CTNNA3: variants seen among roughly 807,000 people sequenced by gnomAD.
The protein encoded by CTNNA3 is catenin alpha-3.
CTNNA3 carries 76 observed loss-of-function variants against 95.7 expected under a neutral mutation model. The ratio of observed to expected loss-of-function variants is 0.79; its 90% CI spans 0.66 to 0.96. The LOEUF is 0.96. Among genes scored for constraint, CTNNA3 ranks in the 40% least tolerant of loss-of-function variants. The probability of loss-of-function intolerance (pLI) is 0.00; values close to 1 mark genes in which losing one functional copy is unlikely to be tolerated. For missense variants in CTNNA3, 1,191 were observed against 1,089.8 expected, an observed-to-expected ratio of 1.09 and a Z score of -1.31; for synonymous variants, 431 against 374.4, an observed-to-expected ratio of 1.15 and a Z score of -1.74.
intron 14 of CTNNA3, among the ~76,000 whole-genome samples, chr10:66,090,108 CT>C (rs1279395789): frequency 9.9e-5 from 15 of 151,992 alleles, no homozygotes; most frequent in Admixed American, 8.5e-4. Context: ...CACAGCACTT[CT>C]TTTCTTCTGA....
intron 12 of CTNNA3, among the ~76,000 whole-genome samples, chr10:66,298,538 C>T (rs1005280783): frequency 1.3e-5 from 2 of 152,076 alleles, no homozygotes; most frequent in Non-Finnish European, 2.9e-5. Flanking sequence ...TTATATCTTA[C>T]ATTTCTCTTC....
At chr10:66,135,150 A>G (rs2083288674) in intron 13 of CTNNA3, among the ~76,000 whole-genome samples, 1 of 152,218 alleles carries the variant, frequency 6.6e-6, no homozygotes, top group South Asian at 2.1e-4. Flanking sequence ...TTTCTTAGCT[A>G]GTAACAGTAA....
At chr10:67,514,761 T>C (rs1383656409) in intron 5 of CTNNA3, among the ~76,000 whole-genome samples, 1 of 151,714 alleles carries the variant, frequency 6.6e-6, no homozygotes, top group Non-Finnish European at 1.5e-5. Context: ...CTATCAGCAT[T>C]GTAAATTTTG....
rs569014407 is a variant in CTNNA3, at chr10:66,795,307, G to T, written c.1048-19783C>A. Among the ~76,000 whole-genome samples the T allele has an allele frequency of 3.3e-5, 5 of 152,236 alleles. No homozygotes were observed. The East Asian group carries it at 9.7e-4, about 29-fold the overall frequency. ...TTGATCCATGGGTTACAGAATGGAT[G>T]TTGTGTTACCAGGCATGAAAACAAC... On this transcript the variant is annotated intron_variant, in intron 7 of 17. Coordinates refer to ENST00000433211, the MANE Select transcript of CTNNA3 (RefSeq NM_013266.4).
intron 5 of CTNNA3, among the ~76,000 whole-genome samples, chr10:67,289,985 T>G (rs1839771787): frequency 6.6e-6 from 1 of 152,030 alleles, no homozygotes; most frequent in African/African-American, 2.4e-5. Context: ...AAAAAAACAT[T>G]TGTAGAGACA....
intron 16 of CTNNA3, among the ~76,000 whole-genome samples, chr10:65,985,821 G>A (rs1327062286): frequency 1.3e-5 from 2 of 151,372 alleles, no homozygotes; most frequent in Non-Finnish European, 3.0e-5. Flanking sequence ...AAATTGGAAA[G>A]GAGGAAGTCT....
chr10:66,227,020 C>A (rs2089325738), intron 13 of CTNNA3, among the ~76,000 whole-genome samples: 1 of 151,910 alleles, frequency 6.6e-6, no homozygotes, highest in South Asian at 2.1e-4. Context: ...TTGACTTCCT[C>A]TTTTTTGAGT....
chr10:67,416,026 C>A (rs1845526334), intron 5 of CTNNA3, among the ~76,000 whole-genome samples: 2 of 152,126 alleles, frequency 1.3e-5, no homozygotes, highest in Non-Finnish European at 1.5e-5. Context: ...AAATGTAAAT[C>A]CTCAAACTAT....
At chr10:67,061,834 G>A (rs184619329) in intron 7 of CTNNA3, among the ~76,000 whole-genome samples, 30 of 152,324 alleles carry the variant, frequency 2.0e-4, no homozygotes, top group African/African-American at 7.2e-4. Flanking sequence ...ATAAGCAGAT[G>A]AGAGGGAGAA....
chr10:67,486,363 T>C (rs1444589318), intron 5 of CTNNA3, among the ~76,000 whole-genome samples: 1 of 152,040 alleles, frequency 6.6e-6, no homozygotes, highest in African/African-American at 2.4e-5. Context: ...ACCCTTCACC[T>C]AGTACTCAAT....
chr10:66,025,022 C>T (rs191147949), intron 15 of CTNNA3, among the ~76,000 whole-genome samples: 116 of 152,298 alleles, frequency 7.6e-4, no homozygotes, highest in African/African-American at 2.5e-3. Flanking sequence ...GCAGTGACAG[C>T]TTTGCATCTA....
Position 66,823,634 on chromosome 10 carries a change from T to C in CTNNA3, c.1048-48110A>G, listed in dbSNP as rs202235846. 5.9e-5 allele frequency among the ~76,000 whole-genome samples: 9 copies of C among 152,312 alleles called. No individual in the cohort carries two copies. The East Asian group carries it at 1.7e-3, about 29-fold the overall frequency. On this transcript the variant is annotated intron_variant, in intron 7 of 17. Transcript: ENST00000433211. ...ATCCAGTTTTTTCTTAATTAGTTTATCATACTAAGTATTAAAAATAACAAT... is the reference window on the plus strand; with the variant it reads ...ATCCAGTTTTTTCTTAATTAGTTTACCATACTAAGTATTAAAAATAACAAT...
At chr10:66,291,985 A>G (rs1167374256) in intron 12 of CTNNA3, among the ~76,000 whole-genome samples, 2 of 151,492 alleles carry the variant, frequency 1.3e-5, no homozygotes, top group Admixed American at 6.6e-5. Flanking sequence ...ACCTCAATAT[A>G]TCATTTGATG....
In CTNNA3 at chr10:66,487,181, A is replaced by ATTTTTTTTT. The variant is rs60547696; in HGVS notation, c.1531+33427_1531+33435dup. On this transcript the variant is annotated intron_variant, in intron 11 of 17. Transcript: ENST00000433211. Reference sequence around the variant, plus strand: ...TACTTGAAATTTAATAAAAGGGCAGATTTTTTTTTTTTTTTTTTTTTTTTT... The same window carrying ATTTTTTTTT: ...TACTTGAAATTTAATAAAAGGGCAGATTTTTTTTTTTTTTTTTTTTTTTTTTTTTTTTTT... Among the ~76,000 whole-genome samples the ATTTTTTTTT allele has an allele frequency of 6.3e-4, 29 of 45,986 alleles. 4 individuals carry two copies. The highest frequency in any genetic ancestry group is 2.0e-3 in the African/African-American group (22 of 11,114). The allele number at this position is 45,986 out of a possible 152,430, so 30.2% of individuals were successfully genotyped here.
intron 5 of CTNNA3, among the ~76,000 whole-genome samples, chr10:67,283,527 C>T (rs569799822): frequency 6.6e-6 from 1 of 152,218 alleles, no homozygotes; most frequent in African/African-American, 2.4e-5. Context: ...GGTCACTGTG[C>T]ATCTGGATGG....
At chr10:67,658,733 A>C (rs752438530) in intron 1 of CTNNA3, among the ~76,000 whole-genome samples, 4 of 152,236 alleles carry the variant, frequency 2.6e-5, no homozygotes, top group Non-Finnish European at 4.4e-5. Flanking sequence ...TACAACTGTT[A>C]GATGCACTAA....
chr10:67,618,508 C>T (rs1843728049), intron 2 of CTNNA3, among the ~76,000 whole-genome samples: 1 of 152,208 alleles, frequency 6.6e-6, no homozygotes, highest in Admixed American at 6.5e-5. Context: ...TTCCCTCCCA[C>T]TATCTGCTGC....
intron 1 of CTNNA3, among the ~76,000 whole-genome samples, chr10:67,686,440 ACCAGCT>A (rs1031604008): frequency 7.6e-4 from 115 of 152,294 alleles, no homozygotes; most frequent in African/African-American, 2.7e-3. Context: ...GCCATGCTTG[ACCAGCT>A]CCTCATCCTC....
chr10:65,917,971 A>G lies in CTNNA3; in HGVS notation c.*2359T>C, dbSNP rs556288211. On this transcript the variant is annotated 3_prime_UTR_variant, in exon 18 of 18. Coordinates refer to ENST00000433211, the MANE Select transcript of CTNNA3 (RefSeq NM_013266.4). ...TTTCAGCTCTATGCATCTTGTTTTT[A>G]TGTCACTATCGATTACCACAGCAGA... 14 of 152,278 alleles carry G rather than the reference A, an allele frequency of 9.2e-5. No individual in the cohort carries two copies. Among genetic ancestry groups the G allele is most frequent in the African/African-American group, 3.4e-4 (14 of 41,572 alleles). The allele number at this position is 152,278 out of a possible 1,614,324, so 9.4% of individuals were successfully genotyped here.
Sources: gnomAD v4.1 joint callset for allele counts (sites outside exome capture counted in the v4.1 genomes callset) on GRCh38, gnomAD v4.1.1 for gene constraint, MANE v1.5 for transcripts, NCBI Gene and HGNC (gene_info 2026-07-23, HGNC 2026-07-21) for gene names.